Variants in RAPH1 observed in about 807,000 individuals in gnomAD.
RAPH1 encodes Ras association (RalGDS/AF-6) and pleckstrin homology domains 1.
In RAPH1, 18 loss-of-function variants were observed where a neutral mutation model predicts 88.1. That is an observed-to-expected ratio of 0.20 (90% CI 0.14 to 0.30). The LOEUF (loss-of-function observed/expected upper bound fraction) is 0.30, where lower values mean the gene tolerates loss of function less well. Ranked by LOEUF, RAPH1 falls within the 10% of genes least tolerant of loss-of-function variation. The probability of loss-of-function intolerance (pLI) is 1.00; values close to 1 mark genes in which losing one functional copy is unlikely to be tolerated. For missense variants in RAPH1, 1,448 were observed against 1,543.2 expected (o/e 0.94, Z 1.03); for synonymous variants, 587 against 559.0 (o/e 1.05, Z -0.71).
rs998077335 is a variant in RAPH1, at chr2:203,433,981, G to C, written c.*5456C>G. On this transcript the variant is annotated 3_prime_UTR_variant, in exon 14 of 14. Coordinates refer to ENST00000319170, the MANE Select transcript of RAPH1 (RefSeq NM_213589.3). ...GTAACTTGGAAAATAACTTAATCCAGCAGAACAAAAACATCCTCAGAAAAA... is the reference window on the plus strand; with the variant it reads ...GTAACTTGGAAAATAACTTAATCCACCAGAACAAAAACATCCTCAGAAAAA... 2.0e-5 allele frequency: 3 copies of C among 151,926 alleles called. No individual in the cohort carries two copies. The highest frequency in any genetic ancestry group is 7.3e-5 in the African/African-American group (3 of 41,214). The allele number at this position is 151,926 out of a possible 1,614,324, so 9.4% of individuals were successfully genotyped here.
rs866378003 is a variant in RAPH1 at position 203,440,125 on chromosome 2, G to A, written c.3065C>T (p.Ala1022Val). The stretch of plus-strand genomic sequence containing the variant: ...GAGTTTTCCAGGCTTGGGGGGTGCT[G>A]CAGGAGGTGGTAGGGTCTCCTTGCT... ...SPSKETLPPP[A>V]APPKPGKLNL... Residue 1022 changes from alanine (A) to valine (V), a missense_variant, in exon 14 of 14, where the codon GCA (alanine) becomes GTA (valine). Around this residue, in one of 2 missense-constraint regions of RAPH1, gnomAD observed 935 missense variants for 890.1 expected, o/e 1.05. Coordinates refer to ENST00000319170, the MANE Select transcript of RAPH1 (RefSeq NM_213589.3). 6.2e-7 allele frequency: 1 copy of A among 1,613,316 alleles called. No individual in the cohort carries two copies. The highest frequency in any genetic ancestry group is 1.3e-5 in the African/African-American group (1 of 74,892).
intron 1 of RAPH1, among the ~76,000 whole-genome samples, chr2:203,512,915 C>T (rs1268525937): frequency 1.3e-5 from 2 of 152,210 alleles, no homozygotes; most frequent in African/African-American, 4.8e-5. Flanking sequence ...TGAGCCACCG[C>T]GCCCGGCCAT....
chr2:203,503,357 G>C (rs558080294), intron 1 of RAPH1, among the ~76,000 whole-genome samples: 1 of 152,282 alleles, frequency 6.6e-6, no homozygotes, highest in African/African-American at 2.4e-5. Flanking sequence ...TGGACGTACA[G>C]TTCCACATGG....
chr2:203,476,758 AAAG>A, intron 4 of RAPH1, among the ~76,000 whole-genome samples: 1 of 152,320 alleles, frequency 6.6e-6, no homozygotes, highest in East Asian at 1.9e-4. Flanking sequence ...GCTCTGCTGT[AAAG>A]AACAATTCAA....
At chr2:203,457,274 G>A (rs928950424) in intron 8 of RAPH1, among the ~76,000 whole-genome samples, 3 of 151,800 alleles carry the variant, frequency 2.0e-5, no homozygotes, top group Non-Finnish European at 4.4e-5. Flanking sequence ...TGCAACCTCC[G>A]CATCCCGGGT....
intron 1 of RAPH1, among the ~76,000 whole-genome samples, chr2:203,516,819 G>C (rs1363436337): frequency 6.6e-6 from 1 of 152,124 alleles, no homozygotes; most frequent in Non-Finnish European, 1.5e-5. Flanking sequence ...GGATCATGAC[G>C]TCAGGAGATC....
chr2:203,475,363 C>T (rs1043030705), intron 4 of RAPH1, among the ~76,000 whole-genome samples: 8 of 151,982 alleles, frequency 5.3e-5, no homozygotes, highest in Admixed American at 2.6e-4. Context: ...GCCAAGATCG[C>T]GCCACTGCAC....
intron 1 of RAPH1, among the ~76,000 whole-genome samples, chr2:203,523,313 A>C (rs1689974440): frequency 6.6e-6 from 1 of 151,530 alleles, no homozygotes; most frequent in African/African-American, 2.4e-5. Flanking sequence ...GAATGGCGTG[A>C]ATACGGGGGG....
At chr2:203,503,696 C>T (rs1200182529) in intron 1 of RAPH1, among the ~76,000 whole-genome samples, 1 of 152,158 alleles carries the variant, frequency 6.6e-6, no homozygotes, top group Non-Finnish European at 1.5e-5. Context: ...CAGTATTAAC[C>T]TGAAAGTCCA....
chr2:203,501,202 T>A (rs921115402), intron 1 of RAPH1, among the ~76,000 whole-genome samples: 3 of 151,516 alleles, frequency 2.0e-5, no homozygotes, highest in African/African-American at 7.3e-5. Flanking sequence ...AGAGGACTCA[T>A]CAAAAGGAGG....
chr2:203,516,422 G>C (rs1441404175), intron 1 of RAPH1, among the ~76,000 whole-genome samples: 3 of 152,242 alleles, frequency 2.0e-5, no homozygotes, highest in African/African-American at 7.2e-5. Context: ...AATAACCACT[G>C]TGAACATCAA....
At chr2:203,474,137 C>T (rs1581312298) in intron 4 of RAPH1, among the ~76,000 whole-genome samples, 1 of 152,056 alleles carries the variant, frequency 6.6e-6, no homozygotes, top group Non-Finnish European at 1.5e-5. Context: ...CTGCTGGGGT[C>T]GCAGTGTGAG....
chr2:203,450,358 C>T (rs1262521221), intron 10 of RAPH1, among the ~76,000 whole-genome samples: 1 of 152,194 alleles, frequency 6.6e-6, no homozygotes, highest in African/African-American at 2.4e-5. Flanking sequence ...AATAAACCCT[C>T]AACAATAAGA....
chr2:203,531,734 T>C (rs1468999239), intron 1 of RAPH1, among the ~76,000 whole-genome samples: 1 of 152,032 alleles, frequency 6.6e-6, no homozygotes, highest in Non-Finnish European at 1.5e-5. Flanking sequence ...GAAAAAACAC[T>C]AGAAAAGAAG....
rs1391023404 is a variant in RAPH1, at chr2:203,506,840, A to ATC, written c.1-11488_1-11487insGA. Among the ~76,000 whole-genome samples, 159 of 63,186 alleles carry ATC rather than the reference A, an allele frequency of 2.5e-3. 11 individuals are homozygous for ATC. The highest frequency in any genetic ancestry group is 6.8e-3 in the East Asian group (24 of 3,506). The allele number at this position is 63,186 out of a possible 152,430, so 41.5% of individuals were successfully genotyped here. On this transcript the variant is annotated intron_variant, in intron 1 of 13. Transcript: ENST00000319170. ...TATATCTATATATATATCTATATCT[A>ATC]TATATCTATCTATATCTATATATAT...
At chr2:203,441,977 T>C (rs2098504671) in intron 13 of RAPH1, 4 of 1,507,380 alleles carry the variant, frequency 2.7e-6, no homozygotes, top group Non-Finnish European at 3.5e-6. Context: ...CAGGAATGAA[T>C]AAGCTTGACA....
chr2:203,534,739 C>A (rs1314918417), intron 1 of RAPH1, among the ~76,000 whole-genome samples: 1 of 152,248 alleles, frequency 6.6e-6, no homozygotes, highest in East Asian at 1.9e-4. Flanking sequence ...GTTTCTGCAG[C>A]TGGGCGGGGG....
In RAPH1 at chr2:203,504,023, C is replaced by G. The variant is rs191360738; in HGVS notation, c.1-8670G>C. 2.8e-3 allele frequency among the ~76,000 whole-genome samples: 429 copies of G among 152,270 alleles called. 1 individual carries two copies. Among genetic ancestry groups the G allele is most frequent in the African/African-American group, 9.6e-3 (397 of 41,550 alleles). On this transcript the variant is annotated intron_variant, in intron 1 of 13. Coordinates refer to ENST00000319170, the MANE Select transcript of RAPH1 (RefSeq NM_213589.3). ...GCCCCTGTGGCTTTGCAGGGTACAG[C>G]CTCCCTCCTGGCTGCTTTCACGGGC...
chr2:203,452,672 A>G (rs2098515872), intron 10 of RAPH1, among the ~76,000 whole-genome samples: 1 of 152,208 alleles, frequency 6.6e-6, no homozygotes, highest in Non-Finnish European at 1.5e-5. Context: ...ACAAGAATAC[A>G]CAGGCCAGGC....
Sources: gnomAD v4.1 joint callset for allele counts (sites outside exome capture counted in the v4.1 genomes callset) on GRCh38, gnomAD v4.1.1 for gene constraint, gnomAD v4.1.1 regional missense constraint, MANE v1.5 for transcripts, NCBI Gene and HGNC (gene_info 2026-07-23, HGNC 2026-07-21) for gene names.